Variants in MEP1B observed in about 807,000 individuals in gnomAD.
The protein encoded by MEP1B is meprin A subunit beta, also known as N-benzoyl-L-tyrosyl-P-amino-benzoic acid hydrolase subunit beta.
In MEP1B, 80 loss-of-function variants were observed where a neutral mutation model predicts 84.6. The observed-to-expected ratio is 0.95, with a 90% confidence interval of 0.79 to 1.14. The LOEUF (loss-of-function observed/expected upper bound fraction) is 1.14, where lower values mean the gene tolerates loss of function less well. MEP1B is among the 50% of genes most tolerant of loss of function. The probability of loss-of-function intolerance (pLI) is 0.00; values close to 1 mark genes in which losing one functional copy is unlikely to be tolerated. For synonymous variants in MEP1B, 273 were observed against 288.1 expected (o/e 0.95, Z 0.53); for missense variants, 766 against 855.1 (o/e 0.90, Z 1.30).
At chr18:32,212,971 T>C (rs2041043109) in intron 10 of MEP1B, 145 bp from the exon 11 acceptor site, 2 of 704,248 alleles carry the variant, frequency 2.8e-6, no homozygotes, top group African/African-American at 1.8e-5. Flanking sequence ...AATTCTAGGC[T>C]GGAGCTTTGG....
chr18:32,215,809 G>A (rs1024130535), intron 12 of MEP1B, among the ~76,000 whole-genome samples: 3 of 152,040 alleles, frequency 2.0e-5, no homozygotes, highest in Admixed American at 6.5e-5. Flanking sequence ...GGGCCAAAGA[G>A]CGAGACTCCG....
At position 32,190,119 on chromosome 18, in the gene MEP1B, G is replaced by C; in HGVS notation, c.49G>C (p.Val17Leu). Residue 17 changes from valine (V) to leucine (L), a missense_variant, in exon 1 of 15, where the codon GTG (valine) becomes CTG (leucine). Val to Leu is a conservative substitution (Grantham distance 32). Transcript: ENST00000269202. ...SWFLFLDALL[V>L]ISGLATPENF... The stretch of plus-strand genomic sequence containing the variant: ...GTTTCTGTTCTTGGATGCTCTTCTC[G>C]TGATTTCTGGCTTGGTAAGGAAACA... 6.2e-7 allele frequency: 1 copy of C among 1,613,072 alleles called. No homozygotes were observed.
chr18:32,196,582 C>T lies in MEP1B; in HGVS notation c.250+1097C>T. ...TTGGTGCTGACGGCCAGCGCGTTGT[C>T]CAGGAAGCACAGCGACAGGTCGTAC... is the stretch of plus-strand genomic sequence containing the variant. On this transcript the variant is annotated intron_variant, in intron 5 of 14. Transcript: ENST00000269202. This position sits in a 1 kb window ranked among gnomAD's most constrained non-coding sequence, Gnocchi z 4.4. 1 of 720,144 alleles carries T rather than the reference C, an allele frequency of 1.4e-6. No individual in the cohort carries two copies. Among genetic ancestry groups the T allele is most frequent in the South Asian group, 1.4e-5 (1 of 69,092 alleles). The allele number at this position is 720,144 out of a possible 1,614,324, so 44.6% of individuals were successfully genotyped here.
chr18:32,195,375 TTAAC>T (rs746900868), intron 4 of MEP1B, 28 bp from the exon 5 acceptor site: 4 of 1,411,288 alleles, frequency 2.8e-6, no homozygotes, highest in East Asian at 2.3e-5. Flanking sequence ...CCTTATTTGT[TTAAC>T]TAGCCCTTTT....
chr18:32,191,287 A>C (rs554079186), intron 1 of MEP1B, among the ~76,000 whole-genome samples: 2 of 151,796 alleles, frequency 1.3e-5, no homozygotes, highest in South Asian at 2.1e-4. Flanking sequence ...AAAAAAAATT[A>C]ATCACAAAAT....
intron 11 of MEP1B, among the ~76,000 whole-genome samples, chr18:32,213,997 G>A (rs2041057837): frequency 6.6e-6 from 1 of 152,206 alleles, no homozygotes; most frequent in Non-Finnish European, 1.5e-5. Context: ...TACAGGTCAA[G>A]TGTGGAAGCT....
At chr18:32,202,475 G>GGTA (rs2040921794) in intron 5 of MEP1B, among the ~76,000 whole-genome samples, 1 of 152,068 alleles carries the variant, frequency 6.6e-6, no homozygotes, top group South Asian at 2.1e-4. Context: ...ACTATTTCAG[G>GGTA]GTATTCATAG....
chr18:32,206,814 G>T (rs903251640), intron 7 of MEP1B, among the ~76,000 whole-genome samples: 1 of 152,080 alleles, frequency 6.6e-6, no homozygotes, highest in Admixed American at 6.5e-5. Flanking sequence ...GTTTCACCAT[G>T]TTGGTCAGGC....
intron 8 of MEP1B, 45 bp from the exon 9 acceptor site, chr18:32,208,074 T>G: frequency 6.3e-7 from 1 of 1,594,304 alleles, no homozygotes; most frequent in Non-Finnish European, 8.6e-7. Flanking sequence ...TTACTTAGAT[T>G]ATCATGTTGT....
At chr18:32,209,365 T>C (rs909061514) in intron 9 of MEP1B, among the ~76,000 whole-genome samples, 2 of 152,016 alleles carry the variant, frequency 1.3e-5, no homozygotes, top group African/African-American at 4.8e-5. Flanking sequence ...TGCATGTCTG[T>C]AGTCCCAGCT....
intron 6 of MEP1B, 81 bp from the exon 7 acceptor site, chr18:32,204,101 T>C: frequency 8.4e-7 from 1 of 1,190,310 alleles, no homozygotes; most frequent in Non-Finnish European, 1.2e-6. Context: ...GGTAATGAAG[T>C]GGACTAGGCA....
In MEP1B at chr18:32,192,648, G is replaced by T. The variant is rs2040813524; in HGVS notation, c.85G>T (p.Val29Leu). Residue 29 changes from valine to leucine, a missense_variant and splice_region_variant, in exon 3 of 15, where the codon GTA becomes TTA. Val to Leu is a conservative substitution (Grantham distance 32, BLOSUM62 1). Transcript: ENST00000269202. Reference sequence around the variant, plus strand: ...TGTTGTTGTTGTTTTAATCAAAGATGTAGATGGCGGAATGGACCAGGACAT... The same window carrying T: ...TGTTGTTGTTGTTTTAATCAAAGATTTAGATGGCGGAATGGACCAGGACAT... The part of the protein sequence containing the change: ...SGLATPENFD[V>L]DGGMDQDIFD... The T allele has an allele frequency of 6.2e-7, 1 of 1,613,024 alleles. No homozygotes were observed. Among genetic ancestry groups the T allele is most frequent in the African/African-American group, 1.3e-5 (1 of 75,014 alleles).
intron 14 of MEP1B, among the ~76,000 whole-genome samples, chr18:32,219,045 T>C (rs2041123703): frequency 1.3e-5 from 2 of 152,244 alleles, no homozygotes; most frequent in African/African-American, 4.8e-5. Context: ...TTCATTCCAA[T>C]TGGAGTCTCT....
rs560820513 is a variant in MEP1B at position 32,197,728 on chromosome 18, T to A, written c.250+2243T>A. On this transcript the variant is annotated intron_variant, in intron 5 of 14. Coordinates refer to ENST00000269202, the MANE Select transcript of MEP1B (RefSeq NM_005925.3). Reference sequence around the variant, plus strand: ...AGCCACTGCACCCAGCCTGTTATAGTTTTTTAAAATTTCAACTTTTATTTT... The same window carrying A: ...AGCCACTGCACCCAGCCTGTTATAGATTTTTAAAATTTCAACTTTTATTTT... Among the ~76,000 whole-genome samples, 8 of 152,300 alleles carry A rather than the reference T, an allele frequency of 5.3e-5. No homozygotes were observed. In the South Asian group the frequency reaches 1.7e-3, roughly 32 times the overall value.
At position 32,217,924 on chromosome 18, in the gene MEP1B, G is replaced by A; in HGVS notation, c.2050G>A (p.Glu684Lys). The change falls in exon 14 of 15, where the codon GAA (glutamate) becomes AAA (lysine). Residue 684 changes from glutamate to lysine, a missense_variant. Coordinates refer to ENST00000269202, the MANE Select transcript of MEP1B (RefSeq NM_005925.3). ...SVYCTRKKYR[E>K]RMSSNRPNLT... ...CTATTGCACCAGGAAGAAATATCGT[G>A]AAAGGATGAGCTCAAATCGACCAAA... The A allele has an allele frequency of 6.2e-7, 1 of 1,613,914 alleles. No homozygotes were observed. The highest frequency in any genetic ancestry group is 2.2e-5 in the East Asian group (1 of 44,872).
rs1428306482 is a variant in MEP1B, at chr18:32,199,658, CCTTTCGTTCGTTCCTTCCTT to C, written c.251-3233_251-3214del. On this transcript the variant is annotated intron_variant, in intron 5 of 14. Transcript: ENST00000269202. ...TTTTGTTTTAATTCTTCCTTTTTTT[CCTTTCGTTCGTTCCTTCCTT>C]CCTTCCTTCCTTCCTTCCTTCCTTC... Among the ~76,000 whole-genome samples the C allele has an allele frequency of 1.7e-3, 139 of 82,202 alleles. 1 individual carries two copies. The highest frequency in any genetic ancestry group is 4.9e-3 in the African/African-American group (115 of 23,654). The allele number at this position is 82,202 out of a possible 152,430, so 53.9% of individuals were successfully genotyped here.
chr18:32,211,055 C>T lies in MEP1B; in HGVS notation c.1135+339C>T, dbSNP rs190316402. On this transcript the variant is annotated intron_variant, in intron 10 of 14. Transcript: ENST00000269202. Reference sequence around the variant, plus strand: ...GAGGCGGTCGGATCACCTGAGGTCACGAGTTTGAGACCAGACTGGTCAACA... The same window carrying T: ...GAGGCGGTCGGATCACCTGAGGTCATGAGTTTGAGACCAGACTGGTCAACA... Among the ~76,000 whole-genome samples the T allele has an allele frequency of 3.7e-3, 568 of 152,136 alleles. 3 individuals are homozygous for T. The highest frequency in any genetic ancestry group is 5.9e-3 in the Non-Finnish European group (402 of 67,992).
intron 9 of MEP1B, among the ~76,000 whole-genome samples, chr18:32,209,154 C>G (rs1378504169): frequency 6.6e-6 from 1 of 152,224 alleles, no homozygotes; most frequent in Non-Finnish European, 1.5e-5. Context: ...ACACAATTCC[C>G]TGCATATAGT....
chr18:32,217,289 A>G lies in MEP1B; in HGVS notation c.1886+172A>G, dbSNP rs145081671. Among the ~76,000 whole-genome samples, 181 of 152,268 alleles carry G rather than the reference A, an allele frequency of 1.2e-3. 1 individual carries two copies. In the Middle Eastern group the frequency reaches 0.014, roughly 11 times the overall value. ...TTTTGGGGCTTTGGATAACCTCAAGAACTATCTTTGTGATAGCCAACACAA... is the reference window on the plus strand; with the variant it reads ...TTTTGGGGCTTTGGATAACCTCAAGGACTATCTTTGTGATAGCCAACACAA... On this transcript the variant is annotated intron_variant, in intron 13 of 14. Coordinates refer to ENST00000269202, the MANE Select transcript of MEP1B (RefSeq NM_005925.3).
Sources: allele counts gnomAD v4.1 joint callset (sites outside exome capture counted in the v4.1 genomes callset), GRCh38; gene constraint gnomAD v4.1.1; non-coding constraint Gnocchi (gnomAD v3.1); transcripts MANE v1.5; gene names NCBI Gene and HGNC (gene_info 2026-07-23, HGNC 2026-07-21).